COG3: variants seen among roughly 807,000 people sequenced by gnomAD.
The protein encoded by COG3 is conserved oligomeric Golgi complex subunit 3.
Under a neutral mutation model 114.1 loss-of-function variants are expected in COG3, and 32 were observed. The ratio of observed to expected loss-of-function variants is 0.28; its 90% CI spans 0.21 to 0.38. The LOEUF is 0.38. COG3 is among the 10% of genes least tolerant of loss of function. The pLI is 1.00. For missense variants in COG3, 813 were observed against 973.2 expected, an observed-to-expected ratio of 0.84 and a Z score of 2.19; for synonymous variants, 352 against 365.7, an observed-to-expected ratio of 0.96 and a Z score of 0.43.
Position 45,535,048 on chromosome 13 carries a change from A to G in COG3, c.*317A>G. The G allele has an allele frequency of 8.9e-7, 1 of 1,117,768 alleles. No homozygotes were observed. The highest frequency in any genetic ancestry group is 1.1e-6 in the Non-Finnish European group (1 of 917,122). 69.2% of individuals were successfully genotyped at this position (1,117,768 alleles called of 1,614,324 possible). On this transcript the variant is annotated 3_prime_UTR_variant, in exon 23 of 23. Transcript: ENST00000349995. ...GGTTCTTTGTTAAAAATGTGCAATA[A>G]AAATAGATTACAATAAGTAGTGCAA... is the stretch of plus-strand genomic sequence containing the variant.
chr13:45,522,775 G>A (rs2078875341), intron 19 of COG3, among the ~76,000 whole-genome samples: 1 of 152,208 alleles, frequency 6.6e-6, no homozygotes, highest in African/African-American at 2.4e-5. Context: ...ATTTGGCTTA[G>A]ATTATTTTCT....
At chr13:45,492,127 A>T in intron 10 of COG3, 32 bp from the exon 11 acceptor site, 1 of 1,314,200 alleles carries the variant, frequency 7.6e-7, no homozygotes, top group Non-Finnish European at 1.1e-6. Flanking sequence ...GTGTGTCTTT[A>T]ACTGTAGGTG....
At chr13:45,528,403 G>A (rs915472101) in intron 20 of COG3, among the ~76,000 whole-genome samples, 1 of 151,886 alleles carries the variant, frequency 6.6e-6, no homozygotes, top group African/African-American at 2.4e-5. Context: ...CCTCTCTTGG[G>A]GTCTGGATCA....
Position 45,482,488 on chromosome 13 carries a change from T to C in COG3, c.717+15T>C. 2.5e-6 allele frequency: 3 copies of C among 1,223,154 alleles called. No individual in the cohort carries two copies. Among genetic ancestry groups the C allele is most frequent in the Admixed American group, 4.4e-5 (2 of 45,860 alleles). The allele number at this position is 1,223,154 out of a possible 1,614,324, so 75.8% of individuals were successfully genotyped here. ...TCTCATCTCATGTAAGTCAGAGTAT[T>C]TTTGCATGTTTTAAAGAAATCCTTA... On this transcript the variant is annotated intron_variant, in intron 6 of 22. Transcript: ENST00000349995.
At chr13:45,514,157 CTTTTTT>C (rs57033822) in intron 16 of COG3, among the ~76,000 whole-genome samples, 26 of 93,852 alleles carry the variant, frequency 2.8e-4, no homozygotes, top group African/African-American at 1.1e-3. Flanking sequence ...TGTCCTCTCT[CTTTTTT>C]TTTTTTTTTT....
chr13:45,517,494 A>G (rs141382604), intron 17 of COG3, among the ~76,000 whole-genome samples: 1 of 152,248 alleles, frequency 6.6e-6, no homozygotes, highest in East Asian at 1.9e-4. Context: ...GTGATTTTAA[A>G]ATTTTTAAAT....
chr13:45,535,658 G>C lies in COG3; in HGVS notation c.*927G>C, dbSNP rs897758688. 10 of 985,416 alleles carry C rather than the reference G, an allele frequency of 1.0e-5. No individual in the cohort carries two copies. The African/African-American group carries it at 1.6e-4, about 15-fold the overall frequency. 61.0% of individuals were successfully genotyped at this position (985,416 alleles called of 1,614,324 possible). On this transcript the variant is annotated 3_prime_UTR_variant, in exon 23 of 23. Coordinates refer to ENST00000349995, the MANE Select transcript of COG3 (RefSeq NM_031431.4). ...CATGTCCTGTCTATTCATTCAGCTG[G>C]CTGTGCTGTGCTGTGGACCAGCTGT...
intron 13 of COG3, among the ~76,000 whole-genome samples, chr13:45,501,127 C>T (rs377154880): frequency 6.6e-6 from 1 of 152,206 alleles, no homozygotes; most frequent in Non-Finnish European, 1.5e-5. Flanking sequence ...GTTTCACCAC[C>T]GTGCAGTTAC....
chr13:45,512,261 A>G (rs936314604), intron 16 of COG3, among the ~76,000 whole-genome samples: 1 of 152,202 alleles, frequency 6.6e-6, no homozygotes, highest in Non-Finnish European at 1.5e-5. Flanking sequence ...GAGTCAGTCA[A>G]TTTTGAGGAC....
At position 45,535,524 on chromosome 13, in the gene COG3, G is replaced by GGAGA; in HGVS notation, c.*796_*799dup. Reference sequence around the variant, plus strand: ...AGGTGTCTTAAATTTGGCGCATAGAGGAGAGAAGGAAACCTGAGGAGTAGT... The same window carrying GGAGA: ...AGGTGTCTTAAATTTGGCGCATAGAGGAGAGAGAGAAGGAAACCTGAGGAGTAGT... On this transcript the variant is annotated 3_prime_UTR_variant, in exon 23 of 23. Coordinates refer to ENST00000349995, the MANE Select transcript of COG3 (RefSeq NM_031431.4). 1.0e-6 allele frequency: 1 copy of GGAGA among 985,608 alleles called. No individual in the cohort carries two copies. 61.1% of individuals were successfully genotyped at this position (985,608 alleles called of 1,614,324 possible).
At chr13:45,487,315 T>C (rs990940524) in intron 8 of COG3, among the ~76,000 whole-genome samples, 1 of 152,190 alleles carries the variant, frequency 6.6e-6, no homozygotes, top group Non-Finnish European at 1.5e-5. Context: ...GGAAATGTTT[T>C]AGGACATTGG....
Position 45,493,464 on chromosome 13 carries a change from T to C in COG3, c.1305T>C (p.Leu435=). 1 of 1,613,362 alleles carries C rather than the reference T, an allele frequency of 6.2e-7. No homozygotes were observed. The highest frequency in any genetic ancestry group is 8.5e-7 in the Non-Finnish European group (1 of 1,179,526). The change falls in exon 12 of 23, where the codon CTT becomes CTC. Residue 435 remains leucine (L), a synonymous_variant. Coordinates refer to ENST00000349995, the MANE Select transcript of COG3 (RefSeq NM_031431.4). ...GTGGGATTCTTAAAAATGAGGTGCT[T>C]GAAGATCATGTGCAGAACAATGGTA... ...ELCGILKNEV[L]EDHVQNNAEQ...
rs920462936 is a variant in COG3 at position 45,531,094 on chromosome 13, G to T, written c.2457+314G>T. On this transcript the variant is annotated intron_variant, in intron 22 of 22. Transcript: ENST00000349995. ...TTTAGCTTGCTGAATAATTTTGTTT[G>T]AAATATGCATAATAAGAGAAATACA... 4 of 992,376 alleles carry T rather than the reference G, an allele frequency of 4.0e-6. No individual in the cohort carries two copies. In the African/African-American group the frequency reaches 7.4e-5, roughly 18 times the overall value. The allele number at this position is 992,376 out of a possible 1,614,324, so 61.5% of individuals were successfully genotyped here.
intron 2 of COG3, among the ~76,000 whole-genome samples, chr13:45,478,338 C>G (rs1886028822): frequency 6.6e-6 from 1 of 151,148 alleles, no homozygotes; most frequent in East Asian, 2.0e-4. Context: ...ACTACAGGCG[C>G]CCGGCTTATT....
chr13:45,526,292 G>T (rs902402051), intron 20 of COG3, among the ~76,000 whole-genome samples: 1 of 151,416 alleles, frequency 6.6e-6, no homozygotes. Flanking sequence ...TACCATGTTG[G>T]CCAGGCTGGT....
chr13:45,469,131 T>C (rs1885321932), intron 1 of COG3, among the ~76,000 whole-genome samples: 1 of 152,214 alleles, frequency 6.6e-6, no homozygotes. Flanking sequence ...GAGCCTCCTT[T>C]TGCCTCTAGT....
At chr13:45,505,678 C>G (rs936423943) in intron 14 of COG3, among the ~76,000 whole-genome samples, 1 of 151,536 alleles carries the variant, frequency 6.6e-6, no homozygotes, top group African/African-American at 2.4e-5. Context: ...AGGCTGGTTT[C>G]GAACTTCTGT....
At chr13:45,497,567 T>G (rs996733597) in intron 13 of COG3, among the ~76,000 whole-genome samples, 2 of 152,092 alleles carry the variant, frequency 1.3e-5, no homozygotes, top group African/African-American at 4.8e-5. Context: ...GAGGATCACT[T>G]AATCTCAGGA....
intron 2 of COG3, among the ~76,000 whole-genome samples, chr13:45,476,831 T>A (rs550376078): frequency 6.6e-6 from 1 of 152,364 alleles, no homozygotes; most frequent in South Asian, 2.1e-4. Flanking sequence ...TACAGTAGTT[T>A]CTTCTGCCAC....
Sources: allele counts gnomAD v4.1 joint callset (sites outside exome capture counted in the v4.1 genomes callset), GRCh38; gene constraint gnomAD v4.1.1; transcripts MANE v1.5; gene names NCBI Gene and HGNC (gene_info 2026-07-23, HGNC 2026-07-21).